TPD52: variants seen among roughly 807,000 people sequenced by gnomAD.
TPD52 encodes tumor protein D52.
TPD52 carries 17 observed loss-of-function variants against 31.3 expected under a neutral mutation model. That is an observed-to-expected ratio of 0.54 (90% CI 0.37 to 0.82). The LOEUF (loss-of-function observed/expected upper bound fraction) is 0.82, where lower values mean the gene tolerates loss of function less well. Among genes scored for constraint, TPD52 ranks in the 40% least tolerant of loss-of-function variants. The probability of loss-of-function intolerance (pLI) is 0.00; values close to 1 mark genes in which losing one functional copy is unlikely to be tolerated. For synonymous variants in TPD52, 83 were observed against 89.6 expected (o/e 0.93, Z 0.42); for missense variants, 212 against 240.1 (o/e 0.88, Z 0.77).
chr8:80,060,409 A>C (rs1812389517), intron 2 of TPD52, among the ~76,000 whole-genome samples: 1 of 152,130 alleles, frequency 6.6e-6, no homozygotes, highest in Admixed American at 6.5e-5. Context: ...AAAAGTAGAT[A>C]GCTTCAATGG....
At chr8:80,168,672 T>A (rs1017435365) in intron 1 of TPD52, among the ~76,000 whole-genome samples, 2 of 152,234 alleles carry the variant, frequency 1.3e-5, no homozygotes, top group Non-Finnish European at 2.9e-5. Flanking sequence ...TCATCCACTC[T>A]ACTAGTTCTA....
intron 1 of TPD52, among the ~76,000 whole-genome samples, chr8:80,112,726 C>T (rs1270478325): frequency 9.2e-5 from 14 of 152,134 alleles, no homozygotes; most frequent in Non-Finnish European, 1.5e-5. Context: ...GGTTTTCTTG[C>T]CTCCAGACTC....
chr8:80,124,733 T>A (rs1808485208), intron 1 of TPD52, among the ~76,000 whole-genome samples: 1 of 152,210 alleles, frequency 6.6e-6, no homozygotes, highest in Admixed American at 6.5e-5. Context: ...AATAGCACTA[T>A]CTAAATGATG....
chr8:80,111,401 T>C (rs58173701), intron 1 of TPD52, among the ~76,000 whole-genome samples: 4,708 of 152,126 alleles, frequency 0.031, 238 homozygotes, highest in African/African-American at 0.11. Context: ...GAGTCAAAAT[T>C]AAATTGAATT....
chr8:80,167,033 A>T (rs1156493451), intron 1 of TPD52, among the ~76,000 whole-genome samples: 4 of 152,204 alleles, frequency 2.6e-5, no homozygotes, highest in African/African-American at 7.2e-5. Flanking sequence ...CTCCATCAAT[A>T]TTTCTGATTT....
intron 1 of TPD52, chr8:80,171,213 A>G: frequency 1.4e-6 from 1 of 708,410 alleles, no homozygotes; most frequent in Non-Finnish European, 2.5e-6. Context: ...TCACACTCAC[A>G]CATGCAGTCC....
At chr8:80,105,810 C>T (rs1374745457) in intron 1 of TPD52, among the ~76,000 whole-genome samples, 2 of 149,482 alleles carry the variant, frequency 1.3e-5, no homozygotes, top group African/African-American at 5.0e-5. Flanking sequence ...TGGCTCAATG[C>T]AACCTCTGCC....
intron 1 of TPD52, among the ~76,000 whole-genome samples, chr8:80,070,973 C>T (rs964381633): frequency 1.3e-5 from 2 of 152,054 alleles, no homozygotes; most frequent in African/African-American, 2.4e-5. Flanking sequence ...GAAATTTGAA[C>T]GCAGAGACTC....
intron 1 of TPD52, among the ~76,000 whole-genome samples, chr8:80,122,415 C>T (rs1182132073): frequency 6.6e-6 from 1 of 152,072 alleles, no homozygotes; most frequent in South Asian, 2.1e-4. Flanking sequence ...GATGGGCATG[C>T]GCATCAGAGA....
intron 1 of TPD52, among the ~76,000 whole-genome samples, chr8:80,076,005 GAGT>G (rs1485170656): frequency 6.6e-6 from 1 of 152,176 alleles, no homozygotes; most frequent in Non-Finnish European, 1.5e-5. Flanking sequence ...AGTCTTTCTA[GAGT>G]ATCAAATATG....
rs780914440 is a variant in TPD52, at chr8:80,038,115, C to T, written c.*1G>A. 1.2e-6 allele frequency: 2 copies of T among 1,613,956 alleles called. No individual in the cohort carries two copies. Among genetic ancestry groups the T allele is most frequent in the Non-Finnish European group, 1.7e-6 (2 of 1,179,884 alleles). ...TGGGTAGCAGAACAAAGGTAGGAAT[C>T]TCACAGGCTCTCCTGTGTCTTTTCT... is the stretch of plus-strand genomic sequence containing the variant. On this transcript the variant is annotated 3_prime_UTR_variant, in exon 8 of 8. Transcript: ENST00000518937.
chr8:80,102,050 G>T (rs946167244), intron 1 of TPD52, among the ~76,000 whole-genome samples: 3 of 152,202 alleles, frequency 2.0e-5, no homozygotes, highest in African/African-American at 7.2e-5. Flanking sequence ...AGTACAACTC[G>T]ACTCACAATA....
chr8:80,053,494 CA>C, intron 2 of TPD52, 64 bp from the exon 3 acceptor site: 1 of 1,513,758 alleles, frequency 6.6e-7, no homozygotes, highest in Non-Finnish European at 9.0e-7. Context: ...AGATTATTAC[CA>C]CAGAACTACA....
At chr8:80,091,241 C>T (rs1401471212) in intron 1 of TPD52, among the ~76,000 whole-genome samples, 18 of 152,108 alleles carry the variant, frequency 1.2e-4, no homozygotes, top group East Asian at 7.7e-4. Context: ...GAGGCTGAGG[C>T]GGGCATCACA....
chr8:80,110,862 T>C (rs1368236612), intron 1 of TPD52, among the ~76,000 whole-genome samples: 1 of 152,116 alleles, frequency 6.6e-6, no homozygotes, highest in East Asian at 1.9e-4. Context: ...CCTGGAGGAG[T>C]GACACTCCCT....
intron 5 of TPD52, among the ~76,000 whole-genome samples, chr8:80,044,582 C>T (rs924335891): frequency 6.9e-6 from 1 of 145,410 alleles, no homozygotes; most frequent in Admixed American, 6.6e-5. Context: ...AAAAATGAAG[C>T]ATGCACACAC....
At chr8:80,060,988 T>G (rs935557703) in intron 2 of TPD52, among the ~76,000 whole-genome samples, 5 of 152,092 alleles carry the variant, frequency 3.3e-5, no homozygotes, top group Admixed American at 1.3e-4. Flanking sequence ...GAAAAATAAA[T>G]TAAAGGCATT....
At chr8:80,119,818 TTA>T (rs1563640380) in intron 1 of TPD52, 2 of 404,376 alleles carry the variant, frequency 4.9e-6, no homozygotes, top group Non-Finnish European at 9.6e-6. Flanking sequence ...TACTTACATT[TTA>T]TATGAGTGGA....
intron 2 of TPD52, among the ~76,000 whole-genome samples, chr8:80,058,828 C>T (rs948216720): frequency 6.6e-6 from 1 of 152,060 alleles, no homozygotes; most frequent in African/African-American, 2.4e-5. Context: ...AAAAAAACAA[C>T]CACACAAATG....
Sources: allele counts gnomAD v4.1 joint callset (sites outside exome capture counted in the v4.1 genomes callset), GRCh38; gene constraint gnomAD v4.1.1; transcripts MANE v1.5; gene names NCBI Gene and HGNC (gene_info 2026-07-23, HGNC 2026-07-21).